The following ARHGAP18 variants were observed in gnomAD, a reference collection of about 807,000 sequenced individuals.
ARHGAP18 encodes rho GTPase-activating protein 18.
In ARHGAP18, 67 loss-of-function variants were observed where a neutral mutation model predicts 86.2. The ratio of observed to expected loss-of-function variants is 0.78; its 90% CI spans 0.64 to 0.95. The LOEUF (loss-of-function observed/expected upper bound fraction) is 0.95. Among genes scored for constraint, ARHGAP18 ranks in the 40% least tolerant of loss-of-function variants. The probability of loss-of-function intolerance (pLI) is 0.00; values close to 1 mark genes in which losing one functional copy is unlikely to be tolerated. For synonymous variants in ARHGAP18, 283 were observed against 280.4 expected, an observed-to-expected ratio of 1.01 and a Z score of -0.09; for missense variants, 691 against 780.4, an observed-to-expected ratio of 0.89 and a Z score of 1.37.
At chr6:129,654,878 G>A (rs906328593) in intron 1 of ARHGAP18, among the ~76,000 whole-genome samples, 4 of 152,220 alleles carry the variant, frequency 2.6e-5, no homozygotes, top group South Asian at 2.1e-4. Flanking sequence ...ATTCTGCACC[G>A]GCCAAGGCTC....
intron 1 of ARHGAP18, among the ~76,000 whole-genome samples, chr6:129,657,327 G>C (rs1200422259): frequency 6.6e-6 from 1 of 151,390 alleles, no homozygotes; most frequent in Non-Finnish European, 1.5e-5. Context: ...AACTAGTTTA[G>C]TCTCTTCAGT....
chr6:129,608,933 G>A (rs1788915752), intron 8 of ARHGAP18, among the ~76,000 whole-genome samples: 1 of 151,648 alleles, frequency 6.6e-6, no homozygotes, highest in Non-Finnish European at 1.5e-5. Context: ...TGATGAAATA[G>A]GTGAAGGGGA....
At chr6:129,698,691 GTTTTTT>G (rs34995244) in intron 1 of ARHGAP18, among the ~76,000 whole-genome samples, 1 of 89,686 alleles carries the variant, frequency 1.1e-5, no homozygotes, top group Non-Finnish European at 2.2e-5. Flanking sequence ...ACCACGCCCA[GTTTTTT>G]TTTTTTTTTT....
intron 1 of ARHGAP18, among the ~76,000 whole-genome samples, chr6:129,662,494 G>A (rs1773972679): frequency 6.6e-6 from 1 of 152,214 alleles, no homozygotes; most frequent in Non-Finnish European, 1.5e-5. Context: ...CTTCACATTA[G>A]CCCGTGAACA....
At chr6:129,624,989 T>TTATATATGATATATATTTATATAA (rs1277763720) in intron 5 of ARHGAP18, among the ~76,000 whole-genome samples, 1 of 109,798 alleles carries the variant, frequency 9.1e-6, no homozygotes, top group Non-Finnish European at 1.8e-5. Context: ...ATAATATATA[T>TTATATATGATATATATTTATATAA]TATATATGAT....
At chr6:129,704,502 A>G (rs1387400622) in intron 1 of ARHGAP18, among the ~76,000 whole-genome samples, 1 of 152,106 alleles carries the variant, frequency 6.6e-6, no homozygotes, top group Non-Finnish European at 1.5e-5. Flanking sequence ...AACTTACCCC[A>G]GCCCCCTTAT....
intron 13 of ARHGAP18, among the ~76,000 whole-genome samples, chr6:129,581,824 C>T (rs1033122968): frequency 6.6e-5 from 10 of 152,210 alleles, no homozygotes; most frequent in South Asian, 2.1e-4. Flanking sequence ...GGAAGAAGCA[C>T]AGGAATGTGG....
Position 129,576,369 on chromosome 6 carries a change from G to A in ARHGAP18, c.*2144C>T, listed in dbSNP as rs1194181783. 1 of 152,180 alleles carries A rather than the reference G, an allele frequency of 6.6e-6. No homozygotes were observed. The highest frequency in any genetic ancestry group is 1.5e-5 in the Non-Finnish European group (1 of 68,048). The allele number at this position is 152,180 out of a possible 1,614,324, so 9.4% of individuals were successfully genotyped here. A position where few individuals can be genotyped will look rare whatever the true frequency, so the allele number is the denominator to read the frequency against. The stretch of plus-strand genomic sequence containing the variant: ...CTAGCTACTCACGAGGCTGAGGCAG[G>A]AGGTTTGCTTGAGCCCCAGTGCTTG... On this transcript the variant is annotated 3_prime_UTR_variant, in exon 15 of 15. Coordinates refer to ENST00000368149, the MANE Select transcript of ARHGAP18 (RefSeq NM_033515.3).
chr6:129,700,825 C>T (rs1483695585), intron 1 of ARHGAP18, among the ~76,000 whole-genome samples: 1 of 152,102 alleles, frequency 6.6e-6, no homozygotes, highest in African/African-American at 2.4e-5. Context: ...GAGTCACAAG[C>T]TGCTACATGA....
chr6:129,638,413 T>C lies in ARHGAP18; in HGVS notation c.533A>G (p.Gln178Arg), dbSNP rs1773377087. The C allele has an allele frequency of 1.9e-6, 3 of 1,613,968 alleles. No homozygotes were observed. The highest frequency in any genetic ancestry group is 2.5e-6 in the Non-Finnish European group (3 of 1,180,000). Residue 178 changes from glutamine to arginine, a missense_variant, in exon 3 of 15, where the codon CAG becomes CGG. Gln to Arg is a conservative substitution (Grantham distance 43). Coordinates refer to ENST00000368149, the MANE Select transcript of ARHGAP18 (RefSeq NM_033515.3). ...ACCTACTGTTTCTTTTGATTCTCTC[T>C]GTTGAGCAAATATGTCTCTGACGTC... is the stretch of plus-strand genomic sequence containing the variant. ...IPDVRDIFAQ[Q>R]RESKETAPGG...
chr6:129,644,127 G>A (rs1773529085), intron 1 of ARHGAP18, among the ~76,000 whole-genome samples: 1 of 152,142 alleles, frequency 6.6e-6, no homozygotes, highest in African/African-American at 2.4e-5. Flanking sequence ...GGGCCAACAA[G>A]CCTAAGTCTA....
intron 1 of ARHGAP18, among the ~76,000 whole-genome samples, chr6:129,702,111 A>C (rs1774720976): frequency 6.6e-6 from 1 of 152,230 alleles, no homozygotes; most frequent in African/African-American, 2.4e-5. Flanking sequence ...TGCATATGAA[A>C]AGGAGATGAG....
intron 1 of ARHGAP18, among the ~76,000 whole-genome samples, chr6:129,707,244 AG>A (rs112947386): frequency 2.1e-4 from 32 of 151,782 alleles, no homozygotes; most frequent in African/African-American, 1.9e-4. Context: ...GAAAAAAAAA[AG>A]GAAACAATTT....
At position 129,635,375 on chromosome 6, in the gene ARHGAP18, A is replaced by G. The variant is rs72984766; in HGVS notation, c.553-1270T>C. Among the ~76,000 whole-genome samples, 1,352 of 152,264 alleles carry G rather than the reference A, an allele frequency of 8.9e-3. 11 individuals carry two copies. Among genetic ancestry groups the G allele is most frequent in the Middle Eastern group, 0.024 (7 of 294 alleles). On this transcript the variant is annotated intron_variant, in intron 3 of 14. Transcript: ENST00000368149. ...CACTTAGAGATGGGGAAAACCCAGGAAAGTGTTACAGTGACTACCAAGTCA... is the reference window on the plus strand; with the variant it reads ...CACTTAGAGATGGGGAAAACCCAGGGAAGTGTTACAGTGACTACCAAGTCA...
chr6:129,703,804 T>G (rs1774757408), intron 1 of ARHGAP18, among the ~76,000 whole-genome samples: 1 of 152,236 alleles, frequency 6.6e-6, no homozygotes, highest in Non-Finnish European at 1.5e-5. Context: ...AAGAGATTGA[T>G]CTGGAAAACA....
Position 129,669,229 on chromosome 6 carries a change from T to A in ARHGAP18, c.114-27211A>T, listed in dbSNP as rs545254299. On this transcript the variant is annotated intron_variant, in intron 1 of 14. Transcript: ENST00000368149. ...CTCTCTCGCCCAGGCTGGAGTGCAA[T>A]GGCGAGGTCACGGCTCACTGCAAGC... Among the ~76,000 whole-genome samples, 39 of 151,704 alleles carry A rather than the reference T, an allele frequency of 2.6e-4. No individual in the cohort carries two copies. In the South Asian group the frequency reaches 7.7e-3, roughly 30 times the overall value.
intron 1 of ARHGAP18, among the ~76,000 whole-genome samples, chr6:129,693,198 T>C (rs1424625559): frequency 1.3e-5 from 2 of 152,164 alleles, no homozygotes; most frequent in African/African-American, 2.4e-5. Context: ...ACAGCAAGGG[T>C]ACTGAAACAA....
At chr6:129,627,651 G>A (rs1363832226) in intron 5 of ARHGAP18, among the ~76,000 whole-genome samples, 1 of 151,466 alleles carries the variant, frequency 6.6e-6, no homozygotes, top group Non-Finnish European at 1.5e-5. Context: ...TAGAGGGAAA[G>A]GAAGAAAGAA....
chr6:129,651,840 C>A (rs1333406725), intron 1 of ARHGAP18, among the ~76,000 whole-genome samples: 2 of 152,122 alleles, frequency 1.3e-5, no homozygotes, highest in African/African-American at 4.8e-5. Flanking sequence ...TATTCCCCAC[C>A]AAATTCATAT....
Sources: gnomAD v4.1 joint callset for allele counts (sites outside exome capture counted in the v4.1 genomes callset) on GRCh38, gnomAD v4.1.1 for gene constraint, MANE v1.5 for transcripts, NCBI Gene and HGNC (gene_info 2026-07-23, HGNC 2026-07-21) for gene names.